Variants in TOX3 observed in about 807,000 individuals in gnomAD.
The protein encoded by TOX3 is TOX high mobility group box family member 3, also known as CAG trinucleotide repeat-containing gene F9 protein.
Under a neutral mutation model 64.3 loss-of-function variants are expected in TOX3, and 22 were observed. That is an observed-to-expected ratio of 0.34 (90% CI 0.24 to 0.49). The LOEUF is 0.49. Among genes scored for constraint, TOX3 ranks in the 20% least tolerant of loss-of-function variants. The probability of loss-of-function intolerance (pLI) is 0.99; values close to 1 mark genes in which losing one functional copy is unlikely to be tolerated. For synonymous variants in TOX3, 291 were observed against 273.6 expected, an observed-to-expected ratio of 1.06 and a Z score of -0.63; for missense variants, 661 against 714.4, an observed-to-expected ratio of 0.93 and a Z score of 0.85.
At chr16:52,463,197 G>A (rs1258718864) in intron 3 of TOX3, among the ~76,000 whole-genome samples, 1 of 151,958 alleles carries the variant, frequency 6.6e-6, no homozygotes, top group African/African-American at 2.4e-5. Context: ...TGTCTACTTA[G>A]TACCTCACCT....
At chr16:52,509,227 AT>A (rs1962238730) in intron 1 of TOX3, among the ~76,000 whole-genome samples, 1 of 152,114 alleles carries the variant, frequency 6.6e-6, no homozygotes, top group African/African-American at 2.4e-5. Flanking sequence ...CATCTAAAAG[AT>A]TTTTTTCCAA....
At chr16:52,482,444 G>GATA (rs1961393696) in intron 1 of TOX3, among the ~76,000 whole-genome samples, 9 of 152,192 alleles carry the variant, frequency 5.9e-5, no homozygotes, top group Non-Finnish European at 1.2e-4. Context: ...TGACTCAACT[G>GATA]TATTTAGGCA....
chr16:52,440,231 C>T (rs141490274), intron 6 of TOX3, among the ~76,000 whole-genome samples: 1,881 of 152,176 alleles, frequency 0.012, 25 homozygotes, highest in African/African-American at 0.028. Flanking sequence ...AGTTCCAAGA[C>T]GAGGCTTCAA....
rs779083129 is a variant in TOX3, at chr16:52,450,358, A to T, written c.597T>A (p.Ser199=). The change falls in exon 4 of 7, where the codon TCT becomes TCA. Residue 199 remains serine, a synonymous_variant. Coordinates refer to ENST00000219746, the MANE Select transcript of TOX3 (RefSeq NM_001080430.4). ...NLGGASMPHT[S]PSPPASKSAT... ...CTGATTTGCTTGCTGGAGGTGAAGG[A>T]GATGTGTGAGGCATACTGGCACCTC... The T allele has an allele frequency of 6.2e-7, 1 of 1,613,938 alleles. No individual in the cohort carries two copies. The highest frequency in any genetic ancestry group is 2.2e-5 in the East Asian group (1 of 44,864).
intron 1 of TOX3, among the ~76,000 whole-genome samples, chr16:52,513,071 C>T (rs898989084): frequency 6.6e-6 from 1 of 152,130 alleles, no homozygotes; most frequent in Non-Finnish European, 1.5e-5. Flanking sequence ...AGCTATAATG[C>T]AAACAAACAG....
chr16:52,484,726 A>G (rs1039424979), intron 1 of TOX3, among the ~76,000 whole-genome samples: 3 of 152,188 alleles, frequency 2.0e-5, no homozygotes, highest in African/African-American at 7.2e-5. Flanking sequence ...TACAGATATA[A>G]GTGAAAAAAT....
intron 1 of TOX3, among the ~76,000 whole-genome samples, chr16:52,482,546 G>T (rs950315006): frequency 1.3e-5 from 2 of 152,094 alleles, no homozygotes; most frequent in Non-Finnish European, 1.5e-5. Flanking sequence ...ATATCAGTTA[G>T]GGTGCATTTT....
intron 1 of TOX3, among the ~76,000 whole-genome samples, chr16:52,523,336 T>G (rs1026409063): frequency 2.6e-5 from 4 of 151,814 alleles, no homozygotes. Flanking sequence ...CTTGATGAGG[T>G]CAAGGAAATA....
In TOX3 at chr16:52,463,293, TC is replaced by T; in HGVS notation, c.408+640del. Reference sequence around the variant, plus strand: ...GTTTAAAATACTTAAGCAGATTTACTCTAGTGATTGCTGACTATAATTGCAC... The same window carrying T: ...GTTTAAAATACTTAAGCAGATTTACTTAGTGATTGCTGACTATAATTGCAC... On this transcript the variant is annotated intron_variant, in intron 3 of 6. Transcript: ENST00000219746. 2.0e-5 allele frequency among the ~76,000 whole-genome samples: 3 copies of T among 152,300 alleles called. No individual in the cohort carries two copies. In the South Asian group the frequency reaches 6.2e-4, roughly 32 times the overall value.
chr16:52,535,911 C>G (rs1290684527), intron 1 of TOX3, among the ~76,000 whole-genome samples: 2 of 152,240 alleles, frequency 1.3e-5, no homozygotes, highest in African/African-American at 4.8e-5. Flanking sequence ...GGGATCATCA[C>G]AACTGTAGTC....
At chr16:52,448,130 C>A (rs74017813) in intron 4 of TOX3, among the ~76,000 whole-genome samples, 12,675 of 152,164 alleles carry the variant, frequency 0.083, 645 homozygotes, top group East Asian at 0.18. Flanking sequence ...AGAATTAATT[C>A]TCCTAAGGAA....
intron 1 of TOX3, among the ~76,000 whole-genome samples, chr16:52,502,973 C>T (rs12598982): frequency 0.4 from 61,379 of 151,994 alleles, 13,479 homozygotes; most frequent in East Asian, 0.58. Flanking sequence ...GTTGCAACTA[C>T]ACGAAAAGCA....
chr16:52,542,949 G>C (rs1239993285), intron 1 of TOX3, among the ~76,000 whole-genome samples: 2 of 152,162 alleles, frequency 1.3e-5, no homozygotes, highest in African/African-American at 4.8e-5. Context: ...ATTAATCAAA[G>C]TGATCAATAA....
intron 3 of TOX3, among the ~76,000 whole-genome samples, chr16:52,463,550 T>G (rs1054788268): frequency 2.0e-5 from 3 of 152,244 alleles, no homozygotes; most frequent in Admixed American, 6.5e-5. Flanking sequence ...ATTATAATAC[T>G]AAAAACTCAA....
At chr16:52,463,739 T>A (rs1406370251) in intron 3 of TOX3, among the ~76,000 whole-genome samples, 195 bp downstream of exon 3, 1 of 152,190 alleles carries the variant, frequency 6.6e-6, no homozygotes, top group Non-Finnish European at 1.5e-5. Flanking sequence ...GATCATCCTC[T>A]TTTTGGTTAC....
intron 1 of TOX3, among the ~76,000 whole-genome samples, chr16:52,546,115 C>T (rs1027667856): frequency 3.9e-5 from 6 of 151,998 alleles, no homozygotes; most frequent in Non-Finnish European, 8.8e-5. Flanking sequence ...CCCACCACTT[C>T]CCCCCACTCC....
At chr16:52,538,094 T>G (rs1050482153) in intron 1 of TOX3, among the ~76,000 whole-genome samples, 1 of 152,134 alleles carries the variant, frequency 6.6e-6, no homozygotes, top group Admixed American at 6.6e-5. Flanking sequence ...TAACCACTTT[T>G]CCATTAAACA....
intron 1 of TOX3, among the ~76,000 whole-genome samples, chr16:52,535,974 A>T (rs1343453608): frequency 6.6e-6 from 1 of 152,260 alleles, no homozygotes; most frequent in Non-Finnish European, 1.5e-5. Context: ...TATTGCCTAG[A>T]AGTGTCTGAC....
At chr16:52,449,744 G>A (rs1960277422) in intron 4 of TOX3, among the ~76,000 whole-genome samples, 1 of 152,182 alleles carries the variant, frequency 6.6e-6, no homozygotes, top group Admixed American at 6.5e-5. Context: ...AGTCATACTG[G>A]AACACAGTTT....
Sources: allele counts gnomAD v4.1 joint callset (sites outside exome capture counted in the v4.1 genomes callset), GRCh38; gene constraint gnomAD v4.1.1; transcripts MANE v1.5; gene names NCBI Gene and HGNC (gene_info 2026-07-23, HGNC 2026-07-21).